NBEA: variants seen among roughly 807,000 people sequenced by gnomAD.
NBEA encodes the protein neurobeachin.
Under a neutral mutation model 343.4 loss-of-function variants are expected in NBEA, and 44 were observed. That is an observed-to-expected ratio of 0.13 (90% CI 0.10 to 0.16). The LOEUF is 0.16. Ranked by LOEUF, NBEA falls within the 10% of genes least tolerant of loss-of-function variation. NBEA has a pLI of 1.00. For missense variants in NBEA, 2,555 were observed against 3,631.3 expected (o/e 0.70, Z 7.62); for synonymous variants, 1,175 against 1,238.7 (o/e 0.95, Z 1.08).
chr13:35,561,012 C>T (rs1451230160), intron 44 of NBEA, among the ~76,000 whole-genome samples: 1 of 152,162 alleles, frequency 6.6e-6, no homozygotes, highest in African/African-American at 2.4e-5. Context: ...AAGAACTCCC[C>T]ATTTGATGCT....
At chr13:35,446,959 TTG>T (rs1310829742) in intron 39 of NBEA, among the ~76,000 whole-genome samples, 2 of 152,138 alleles carry the variant, frequency 1.3e-5, no homozygotes, top group Non-Finnish European at 2.9e-5. Flanking sequence ...TCTCTTTTCT[TTG>T]TGTGTTAGCC....
chr13:35,343,355 T>A (rs1440578441), intron 36 of NBEA, among the ~76,000 whole-genome samples: 1 of 152,056 alleles, frequency 6.6e-6, no homozygotes, highest in Non-Finnish European at 1.5e-5. Flanking sequence ...GACAAAAAAA[T>A]TCAGTGAATA....
intron 41 of NBEA, among the ~76,000 whole-genome samples, chr13:35,487,210 A>C (rs2076335135): frequency 1.3e-5 from 2 of 151,924 alleles, no homozygotes; most frequent in South Asian, 4.1e-4. Context: ...ATAGATACTA[A>C]AATGTGAGGA....
At chr13:35,111,919 T>C (rs1179044370) in intron 13 of NBEA, among the ~76,000 whole-genome samples, 1 of 144,336 alleles carries the variant, frequency 6.9e-6, no homozygotes, top group Admixed American at 6.9e-5. Context: ...TTTCCTTTTT[T>C]TTTTTTTTTT....
rs376983676 is a variant in NBEA at position 35,667,452 on chromosome 13, G to T, written c.8543G>T (p.Arg2848Leu). Reference sequence around the variant, plus strand: ...GGACCAGAAAACTGCTTATTCCCACGCTTGATATCTGTCTCCAGCGAAGGC... The same window carrying T: ...GGACCAGAAAACTGCTTATTCCCACTCTTGATATCTGTCTCCAGCGAAGGC... Reference protein sequence around the residue: ...LEGPENCLFPRLISVSSEGHC... With the variant: ...LEGPENCLFPLLISVSSEGHC... The change falls in exon 57 of 59, where the codon CGC becomes CTC. Residue 2848 changes from arginine to leucine, a missense_variant. By Grantham distance (102) the Arg-to-Leu change is moderately radical. Transcript: ENST00000379939. 1.2e-6 allele frequency: 2 copies of T among 1,613,788 alleles called. No homozygotes were observed. The highest frequency in any genetic ancestry group is 1.1e-5 in the South Asian group (1 of 91,082).
chr13:35,170,800 T>G (rs559754672), intron 25 of NBEA, among the ~76,000 whole-genome samples: 1 of 152,048 alleles, frequency 6.6e-6, no homozygotes, highest in East Asian at 1.9e-4. Flanking sequence ...CTCATTTTGA[T>G]ACTAAGTTAA....
chr13:35,034,999 T>C (rs2062386208), intron 1 of NBEA, among the ~76,000 whole-genome samples: 1 of 151,984 alleles, frequency 6.6e-6, no homozygotes, highest in Non-Finnish European at 1.5e-5. Flanking sequence ...GTTGTATTGT[T>C]TTCTTCATTT....
intron 1 of NBEA, among the ~76,000 whole-genome samples, chr13:34,947,589 C>G (rs896587208): frequency 6.6e-6 from 1 of 152,096 alleles, no homozygotes; most frequent in Non-Finnish European, 1.5e-5. Context: ...TCTTTGGCAT[C>G]ACATATCACC....
chr13:34,975,319 C>T (rs2060128006), intron 1 of NBEA, among the ~76,000 whole-genome samples: 1 of 152,144 alleles, frequency 6.6e-6, no homozygotes, highest in African/African-American at 2.4e-5. Flanking sequence ...CACATACAGC[C>T]AGCTGATCTT....
intron 10 of NBEA, among the ~76,000 whole-genome samples, chr13:35,077,006 T>C (rs1025631086): frequency 6.6e-6 from 1 of 152,064 alleles, no homozygotes; most frequent in Non-Finnish European, 1.5e-5. Context: ...CAGAATACTT[T>C]TAATAGATTG....
chr13:35,503,672 T>A (rs961628060), intron 41 of NBEA, among the ~76,000 whole-genome samples: 15 of 152,200 alleles, frequency 9.9e-5, no homozygotes, highest in African/African-American at 3.6e-4. Context: ...TTCATTTTGT[T>A]TTTGAGGCAT....
chr13:35,071,010 A>T, intron 10 of NBEA, 158 bp downstream of exon 10: 2 of 647,820 alleles, frequency 3.1e-6, no homozygotes, highest in Non-Finnish European at 4.5e-6. Flanking sequence ...ATATTTATAC[A>T]ATAAATAAAG....
At chr13:35,093,128 A>G (rs969248962) in intron 10 of NBEA, among the ~76,000 whole-genome samples, 3 of 152,040 alleles carry the variant, frequency 2.0e-5, no homozygotes, top group Non-Finnish European at 2.9e-5. Context: ...CTTGAAAAGT[A>G]AAAATATGTA....
chr13:34,946,780 G>T, intron 1 of NBEA, among the ~76,000 whole-genome samples: 1 of 147,104 alleles, frequency 6.8e-6, no homozygotes. Flanking sequence ...AGGGATTTGT[G>T]GTTTACCAAA....
chr13:34,948,968 A>C (rs376738883), intron 1 of NBEA, among the ~76,000 whole-genome samples: 14 of 152,152 alleles, frequency 9.2e-5, no homozygotes, highest in African/African-American at 2.9e-4. Flanking sequence ...AGAATATTAA[A>C]GCTTTGTAGG....
At chr13:35,300,183 G>A (rs183719220) in intron 35 of NBEA, among the ~76,000 whole-genome samples, 1 of 152,058 alleles carries the variant, frequency 6.6e-6, no homozygotes, top group Non-Finnish European at 1.5e-5. Flanking sequence ...AATTAGCCGG[G>A]CATAGTGGTG....
Position 34,942,979 on chromosome 13 carries a change from G to C in NBEA, c.159G>C (p.Ser53=). ...GELRGASGSG[S]VMLPAGMINP... Reference sequence around the variant, plus strand: ...TAAGGGGGGCGTCCGGCTCCGGCTCGGTGATGCTCCCCGCGGGGATGATTA... The same window carrying C: ...TAAGGGGGGCGTCCGGCTCCGGCTCCGTGATGCTCCCCGCGGGGATGATTA... Residue 53 remains serine, a synonymous_variant, in exon 1 of 59, where the codon TCG becomes TCC. Coordinates refer to ENST00000379939, the MANE Select transcript of NBEA (RefSeq NM_001385012.1). 6.2e-7 allele frequency: 1 copy of C among 1,606,100 alleles called. No homozygotes were observed. Among genetic ancestry groups the C allele is most frequent in the South Asian group, 1.1e-5 (1 of 90,888 alleles).
chr13:35,406,577 A>G (rs1054126950), intron 38 of NBEA, among the ~76,000 whole-genome samples: 1 of 152,046 alleles, frequency 6.6e-6, no homozygotes, highest in Non-Finnish European at 1.5e-5. Context: ...TTCCTGAGTT[A>G]CTTCACTTAG....
chr13:35,577,431 T>C (rs2080795796), intron 45 of NBEA, among the ~76,000 whole-genome samples: 1 of 152,188 alleles, frequency 6.6e-6, no homozygotes, highest in Non-Finnish European at 1.5e-5. Flanking sequence ...TTTTTTCTTA[T>C]ATATATTGGA....
Sources: allele counts gnomAD v4.1 joint callset (sites outside exome capture counted in the v4.1 genomes callset), GRCh38; gene constraint gnomAD v4.1.1; transcripts MANE v1.5; gene names NCBI Gene and HGNC (gene_info 2026-07-23, HGNC 2026-07-21).